LMO7: variants seen among roughly 807,000 people sequenced by gnomAD.
The protein encoded by LMO7 is LIM domain only protein 7.
LMO7 carries 120 observed loss-of-function variants against 206.5 expected under a neutral mutation model. The ratio of observed to expected loss-of-function variants is 0.58; its 90% CI spans 0.50 to 0.68. LMO7 has a LOEUF of 0.68. Among genes scored for constraint, LMO7 ranks in the 30% least tolerant of loss-of-function variants. The pLI, the probability that LMO7 is intolerant of heterozygous loss-of-function variation, is 0.00. For synonymous variants in LMO7, 706 were observed against 681.5 expected (o/e 1.04, Z -0.56); for missense variants, 1,959 against 1,957.9 (o/e 1.00, Z -0.01).
chr13:75,788,522 G>A (rs2052777400), intron 4 of LMO7, among the ~76,000 whole-genome samples: 1 of 148,852 alleles, frequency 6.7e-6, no homozygotes, highest in Admixed American at 6.7e-5. Flanking sequence ...TTTCCCTACT[G>A]TCTCCCACTG....
intron 9 of LMO7, chr13:75,806,250 G>A (rs1048140153): frequency 1.8e-5 from 18 of 990,020 alleles, no homozygotes; most frequent in African/African-American, 1.6e-4. Flanking sequence ...GTAGTGCTTC[G>A]GATGAGCCCA....
intron 4 of LMO7, among the ~76,000 whole-genome samples, chr13:75,764,057 T>C (rs1183503195): frequency 1.3e-5 from 2 of 152,142 alleles, no homozygotes; most frequent in African/African-American, 4.8e-5. Flanking sequence ...TAGGAAGCAG[T>C]AGTTTTAATT....
intron 13 of LMO7, among the ~76,000 whole-genome samples, chr13:75,820,234 T>A (rs187507033): frequency 1.7e-3 from 264 of 152,302 alleles, no homozygotes; most frequent in Non-Finnish European, 3.2e-3. Flanking sequence ...ATTCAGTTAT[T>A]TTGGGAGGTA....
At chr13:75,821,133 C>G in intron 13 of LMO7, 44 bp from the exon 14 acceptor site, 1 of 1,481,070 alleles carries the variant, frequency 6.8e-7, no homozygotes, top group Non-Finnish European at 9.1e-7. Flanking sequence ...CTCTGTGTGT[C>G]AAATGTGTGT....
At chr13:75,736,204 C>T (rs571738414) in intron 3 of LMO7, among the ~76,000 whole-genome samples, 8 of 152,130 alleles carry the variant, frequency 5.3e-5, no homozygotes, top group Non-Finnish European at 8.8e-5. Context: ...ACTGTGTTTC[C>T]GGTATATTAA....
At chr13:75,851,869 G>T (rs1232304120) in intron 27 of LMO7, among the ~76,000 whole-genome samples, 1 of 152,052 alleles carries the variant, frequency 6.6e-6, no homozygotes, top group Non-Finnish European at 1.5e-5. Context: ...CTTCACAGGA[G>T]GCATGGTCTG....
chr13:75,729,591 C>T (rs1189242933), intron 3 of LMO7, among the ~76,000 whole-genome samples: 5 of 150,490 alleles, frequency 3.3e-5, no homozygotes, highest in African/African-American at 1.2e-4. Context: ...AATTTGACTT[C>T]CTCTTTTCCT....
chr13:75,683,629 T>G (rs147565011), intron 1 of LMO7, among the ~76,000 whole-genome samples: 141 of 152,344 alleles, frequency 9.3e-4, no homozygotes, highest in African/African-American at 2.4e-3. Flanking sequence ...GAGACAGGTC[T>G]CAATCAATTT....
At chr13:75,749,391 GA>G (rs1218146534) in intron 3 of LMO7, among the ~76,000 whole-genome samples, 1 of 151,860 alleles carries the variant, frequency 6.6e-6, no homozygotes, top group South Asian at 2.1e-4. Flanking sequence ...CAGCACTTTG[GA>G]AAAAAAGAGT....
chr13:75,810,261 C>T (rs931243949), intron 11 of LMO7, among the ~76,000 whole-genome samples: 1 of 152,212 alleles, frequency 6.6e-6, no homozygotes, highest in Non-Finnish European at 1.5e-5. Context: ...TAAAGGATGA[C>T]AGATGTTTTA....
intron 2 of LMO7, among the ~76,000 whole-genome samples, chr13:75,721,657 G>A (rs963968605): frequency 6.6e-6 from 1 of 152,018 alleles, no homozygotes; most frequent in Non-Finnish European, 1.5e-5. Context: ...CCTTTTTATG[G>A]CTGAGTAGTA....
chr13:75,698,267 G>A (rs1008584996), intron 1 of LMO7, among the ~76,000 whole-genome samples: 2 of 151,762 alleles, frequency 1.3e-5, no homozygotes, highest in African/African-American at 4.8e-5. Context: ...ACCTATTCTT[G>A]TGAAAAAAAT....
intron 3 of LMO7, among the ~76,000 whole-genome samples, chr13:75,737,657 G>T (rs1200950108): frequency 2.0e-3 from 291 of 142,800 alleles, no homozygotes; most frequent in Non-Finnish European, 2.9e-3. Flanking sequence ...GGAGGCTGAG[G>T]CAGGAGGATG....
chr13:75,849,097 A>G lies in LMO7; in HGVS notation c.4169A>G (p.Asp1390Gly), dbSNP rs749926821. Residue 1390 changes from aspartate to glycine, a missense_variant, in exon 27 of 31, where the codon GAC (aspartate) becomes GGC (glycine). By Grantham distance (94) the Asp-to-Gly change is moderately conservative (BLOSUM62 -1). Coordinates refer to ENST00000377534, the MANE Select transcript of LMO7 (RefSeq NM_001306080.2). The part of the protein sequence containing the change: ...TNKNGNNKYL[D>G]QIGNMTSSQR... ...AATTTAGGAAACAATAAATATTTAGACCAAATTGGGAACATGACCTCTTCA... is the reference window on the plus strand; with the variant it reads ...AATTTAGGAAACAATAAATATTTAGGCCAAATTGGGAACATGACCTCTTCA... 26 of 1,603,994 alleles carry G rather than the reference A, an allele frequency of 1.6e-5. No homozygotes were observed. Among genetic ancestry groups the G allele is most frequent in the Non-Finnish European group, 1.9e-5 (22 of 1,171,146 alleles).
chr13:75,828,863 C>T (rs1329672159), intron 15 of LMO7, among the ~76,000 whole-genome samples: 3 of 151,914 alleles, frequency 2.0e-5, no homozygotes, highest in African/African-American at 4.8e-5. Context: ...TTGTAAAATG[C>T]AAGTGTGTAG....
intron 2 of LMO7, among the ~76,000 whole-genome samples, chr13:75,722,006 G>A (rs751149309): frequency 6.6e-6 from 1 of 152,182 alleles, no homozygotes; most frequent in Non-Finnish European, 1.5e-5. Context: ...CAAGCCACAT[G>A]TAGAAGAATG....
intron 25 of LMO7, 86 bp downstream of exon 25, chr13:75,843,002 A>G (rs2059677283): frequency 1.2e-6 from 1 of 854,442 alleles, no homozygotes; most frequent in African/African-American, 1.7e-5. Flanking sequence ...TTGTAGAACT[A>G]CTTTAGCCCT....
intron 26 of LMO7, among the ~76,000 whole-genome samples, chr13:75,846,067 A>T (rs955471879): frequency 7.9e-5 from 12 of 151,888 alleles, no homozygotes; most frequent in Non-Finnish European, 2.9e-5. Context: ...GGAGAAGGCA[A>T]CCCTCTGCCT....
Position 75,805,787 on chromosome 13 carries a change from C to T in LMO7, c.1196+27C>T, listed in dbSNP as rs764399710. 3.1e-6 allele frequency: 5 copies of T among 1,606,266 alleles called. No homozygotes were observed. In the South Asian group the frequency reaches 3.3e-5, roughly 11 times the overall value. ...TTTGTCGTTGTGCATGTTTCTGTCACACCAGTGTTCATTCAGTACCCCAGC... is the reference window on the plus strand; with the variant it reads ...TTTGTCGTTGTGCATGTTTCTGTCATACCAGTGTTCATTCAGTACCCCAGC... On this transcript the variant is annotated intron_variant, in intron 9 of 30. Transcript: ENST00000377534.
Sources: gnomAD v4.1 joint callset for allele counts (sites outside exome capture counted in the v4.1 genomes callset) on GRCh38, gnomAD v4.1.1 for gene constraint, MANE v1.5 for transcripts, NCBI Gene and HGNC (gene_info 2026-07-23, HGNC 2026-07-21) for gene names.